Variants in PSMC5 observed in about 807,000 individuals in gnomAD.
PSMC5 encodes 26S proteasome regulatory subunit 8.
Under a neutral mutation model 49.1 loss-of-function variants are expected in PSMC5, and 11 were observed. The observed-to-expected ratio is 0.22, with a 90% CI of 0.14 to 0.37. The LOEUF (loss-of-function observed/expected upper bound fraction) is 0.37, where lower values mean the gene tolerates loss of function less well. Among genes scored for constraint, PSMC5 ranks in the 10% least tolerant of loss-of-function variants. The pLI, the probability that PSMC5 is intolerant of heterozygous loss-of-function variation, is 1.00. For synonymous variants in PSMC5, 206 were observed against 192.2 expected (o/e 1.07, Z -0.59); for missense variants, 229 against 520.9 (o/e 0.44, Z 5.45).
chr17:63,829,322 C>T (rs2040152374), intron 2 of PSMC5, 172 bp from the exon 3 acceptor site: 8 of 626,066 alleles, frequency 1.3e-5, no homozygotes, highest in Non-Finnish European at 2.3e-5. Flanking sequence ...TCCAGAGGGA[C>T]TCTTGAAGGA....
chr17:63,829,796 G>A, intron 3 of PSMC5, 56 bp from the exon 4 acceptor site: 10 of 1,560,470 alleles, frequency 6.4e-6, no homozygotes, highest in Non-Finnish European at 8.8e-6. Context: ...GTAGAATTGG[G>A]TCCTGGAGAC....
rs1322229914 is a variant in PSMC5, at chr17:63,830,621, C to T, written c.552+120C>T. Reference sequence around the variant, plus strand: ...GCTGCATCTTGCTTGGGCTGGCCCTCCCCCTGAAAAGAGTGGCTGGGGAAG... The same window carrying T: ...GCTGCATCTTGCTTGGGCTGGCCCTTCCCCTGAAAAGAGTGGCTGGGGAAG... On this transcript the variant is annotated intron_variant, in intron 6 of 11. Transcript: ENST00000310144. This position sits in a 1 kb window ranked among gnomAD's most constrained non-coding sequence, Gnocchi z 4.0. The T allele has an allele frequency of 6.7e-7, 1 of 1,495,152 alleles. No homozygotes were observed. Among genetic ancestry groups the T allele is most frequent in the East Asian group, 2.5e-5 (1 of 40,696 alleles). The allele number at this position is 1,495,152 out of a possible 1,614,324, so 92.6% of individuals were successfully genotyped here. A position where few individuals can be genotyped will look rare whatever the true frequency, so the allele number is the denominator to read the frequency against.
chr17:63,828,267 T>C (rs1341810862), intron 2 of PSMC5, 58 bp downstream of exon 2: 4 of 1,542,648 alleles, frequency 2.6e-6, no homozygotes, highest in African/African-American at 2.7e-5. Context: ...GGAAACGGAC[T>C]TCCACAAATC....
Position 63,827,480 on chromosome 17 carries a change from G to A in PSMC5, c.-11G>A. The A allele has an allele frequency of 2.6e-6, 4 of 1,551,752 alleles. No homozygotes were observed. The South Asian group carries it at 3.6e-5, about 14-fold the overall frequency. ...GGCTCGGATGCCGGCGGTCTCTGCT[G>A]AAGAGAGAAGATGGCGCTTGACGGA... is the stretch of plus-strand genomic sequence containing the variant. On this transcript the variant is annotated 5_prime_UTR_variant, in exon 1 of 12. Coordinates refer to ENST00000310144, the MANE Select transcript of PSMC5 (RefSeq NM_002805.6).
In PSMC5 at chr17:63,831,626, G is replaced by A. The variant is rs746407830; in HGVS notation, c.1080+10G>A. ...AGGGGCTGAAGTGAAGGTAATTGGA[G>A]TACCCACTGAAAACAGGGCAGAGGC... On this transcript the variant is annotated intron_variant, in intron 10 of 11. Coordinates refer to ENST00000310144, the MANE Select transcript of PSMC5 (RefSeq NM_002805.6). This position sits in a 1 kb window ranked among gnomAD's most constrained non-coding sequence, Gnocchi z 6.3. 5 of 1,613,892 alleles carry A rather than the reference G, an allele frequency of 3.1e-6. No individual in the cohort carries two copies. Among genetic ancestry groups the A allele is most frequent in the Non-Finnish European group, 4.2e-6 (5 of 1,179,760 alleles).
intron 1 of PSMC5, 89 bp downstream of exon 1, chr17:63,827,603 C>G (rs905025631): frequency 6.5e-7 from 1 of 1,549,500 alleles, no homozygotes; most frequent in African/African-American, 1.4e-5. Flanking sequence ...GGGGCAGGAG[C>G]GTCGGGTGGG....
chr17:63,830,965 G>C lies in PSMC5; in HGVS notation c.679+30G>C, dbSNP rs1404851385. On this transcript the variant is annotated intron_variant, in intron 7 of 11. Coordinates refer to ENST00000310144, the MANE Select transcript of PSMC5 (RefSeq NM_002805.6). This position sits in a 1 kb window ranked among gnomAD's most constrained non-coding sequence, Gnocchi z 4.0. ...CCATGGCTAGCAATGTGAGAAGCAA[G>C]AGGTAGGGGTAGGGGGTTAGAGAGC... 3.1e-6 allele frequency: 5 copies of C among 1,613,882 alleles called. No individual in the cohort carries two copies. The highest frequency in any genetic ancestry group is 4.2e-6 in the Non-Finnish European group (5 of 1,179,886).
In PSMC5 at chr17:63,829,837, C is replaced by T; in HGVS notation, c.167-15C>T. 6.2e-7 allele frequency: 1 copy of T among 1,613,482 alleles called. No homozygotes were observed. Among genetic ancestry groups the T allele is most frequent in the Non-Finnish European group, 8.5e-7 (1 of 1,179,476 alleles). On this transcript the variant is annotated splice_polypyrimidine_tract_variant and intron_variant, in intron 3 of 11. Coordinates refer to ENST00000310144, the MANE Select transcript of PSMC5 (RefSeq NM_002805.6). Reference sequence around the variant, plus strand: ...AGGAGTAGCTAGGTGACCACTGTGTCTGTTTGCCATCTAGTTCGCCTATTG... The same window carrying T: ...AGGAGTAGCTAGGTGACCACTGTGTTTGTTTGCCATCTAGTTCGCCTATTG...
At chr17:63,830,000 C>T (rs376388011) in intron 4 of PSMC5, 51 bp downstream of exon 4, 1 of 1,572,886 alleles carries the variant, frequency 6.4e-7, no homozygotes, top group Non-Finnish European at 8.7e-7. Flanking sequence ...TGCATTCCCA[C>T]CCCTTTGTGT....
In PSMC5 at chr17:63,829,441, C is replaced by T. The variant is rs568447937; in HGVS notation, c.97-53C>T. On this transcript the variant is annotated intron_variant, in intron 2 of 11. Transcript: ENST00000310144. Reference sequence around the variant, plus strand: ...TGTGAGGTCTTGGCCAAGATCCTACCTCCTCCTGTCTCCTGCCCTTGAATA... The same window carrying T: ...TGTGAGGTCTTGGCCAAGATCCTACTTCCTCCTGTCTCCTGCCCTTGAATA... The T allele has an allele frequency of 4.6e-6, 7 of 1,516,772 alleles. No homozygotes were observed. In the African/African-American group the frequency reaches 9.7e-5, roughly 21 times the overall value. The allele number at this position is 1,516,772 out of a possible 1,614,324, so 94.0% of individuals were successfully genotyped here. A position where few individuals can be genotyped will look rare whatever the true frequency, so the allele number is the denominator to read the frequency against.
Position 63,827,500 on chromosome 17 carries a change from G to C in PSMC5, c.10G>C (p.Asp4His). 1 of 1,551,754 alleles carries C rather than the reference G, an allele frequency of 6.4e-7. No individual in the cohort carries two copies. Among genetic ancestry groups the C allele is most frequent in the Non-Finnish European group, 8.7e-7 (1 of 1,147,004 alleles). Residue 4 changes from aspartate to histidine, a missense_variant, in exon 1 of 12, where the codon GAC (aspartate) becomes CAC (histidine). Around this residue, in one of 4 missense-constraint regions of PSMC5, gnomAD observed 98 missense variants for 144.0 expected, o/e 0.68. Transcript: ENST00000310144. ...CTGCTGAAGAGAGAAGATGGCGCTT[G>C]ACGGACCAGAGCAGGTATGGCGGGT... The part of the protein sequence containing the change: MAL[D>H]GPEQMELEEG...
intron 2 of PSMC5, 46 bp from the exon 3 acceptor site, chr17:63,829,448 T>G: frequency 6.5e-7 from 1 of 1,533,210 alleles, no homozygotes; most frequent in Non-Finnish European, 8.8e-7. Flanking sequence ...TACCTCCTCC[T>G]GTCTCCTGCC....
At position 63,827,535 on chromosome 17, in the gene PSMC5, G is replaced by A. The variant is rs1314425659; in HGVS notation, c.24+21G>A. 4 of 1,551,644 alleles carry A rather than the reference G, an allele frequency of 2.6e-6. No homozygotes were observed. In the African/African-American group the frequency reaches 4.1e-5, roughly 16 times the overall value. The stretch of plus-strand genomic sequence containing the variant: ...AGCAGGTATGGCGGGTGCAGTGGCG[G>A]CCCGGCAGGTTACGGGGCTGGGTGC... On this transcript the variant is annotated intron_variant, in intron 1 of 11. Coordinates refer to ENST00000310144, the MANE Select transcript of PSMC5 (RefSeq NM_002805.6).
chr17:63,831,178 G>A lies in PSMC5; in HGVS notation c.822G>A (p.Leu274=), dbSNP rs1854576462. 1 of 1,561,668 alleles carries A rather than the reference G, an allele frequency of 6.4e-7. No individual in the cohort carries two copies. Among genetic ancestry groups the A allele is most frequent in the African/African-American group, 1.4e-5 (1 of 73,108 alleles). Residue 274 remains leucine, a synonymous_variant, in exon 8 of 12, where the codon CTG becomes CTA. Transcript: ENST00000310144. The surrounding 1 kb of genome is among the most constrained non-coding windows in gnomAD (Gnocchi z 6.3). ...ACAGTGAAGTGCAGCGCACGATGCT[G>A]GAGTTGCTCAACCAGCTCGACGGCT... ...GGDSEVQRTM[L]ELLNQLDGFE... is the part of the protein sequence containing the mutation.
In PSMC5 at chr17:63,831,587, A is replaced by G; in HGVS notation, c.1051A>G (p.Met351Val). ...GINLRKIAEL[M>V]PGASGAEVKG... is the part of the protein sequence containing the mutation. ...CAACCTGAGAAAAATTGCTGAGCTC[A>G]TGCCAGGAGCATCAGGGGCTGAAGT... Residue 351 changes from methionine to valine, a missense_variant, in exon 10 of 12, where the codon ATG becomes GTG. This residue lies in a region of PSMC5 where 121 missense variants were observed against 330.6 expected (regional missense o/e 0.37). Coordinates refer to ENST00000310144, the MANE Select transcript of PSMC5 (RefSeq NM_002805.6). This position sits in a 1 kb window ranked among gnomAD's most constrained non-coding sequence, Gnocchi z 6.3. 2 of 1,614,020 alleles carry G rather than the reference A, an allele frequency of 1.2e-6. No individual in the cohort carries two copies. The highest frequency in any genetic ancestry group is 1.7e-6 in the Non-Finnish European group (2 of 1,179,880).
In PSMC5 at chr17:63,830,183, CAAT is replaced by C; in HGVS notation, c.316_318del (p.Asn106del). On this transcript the variant is annotated inframe_deletion, in exon 5 of 12. Coordinates refer to ENST00000310144, the MANE Select transcript of PSMC5 (RefSeq NM_002805.6). The surrounding 1 kb of genome is among the most constrained non-coding windows in gnomAD (Gnocchi z 4.0). ...TAGACGTGGACAAAAACATTGACAT[CAAT>C]GATGTGAGTGTAGCAGGTGAGGTGG... The C allele has an allele frequency of 1.2e-6, 2 of 1,614,112 alleles. No homozygotes were observed. The highest frequency in any genetic ancestry group is 1.7e-6 in the Non-Finnish European group (2 of 1,180,016).
In PSMC5 at chr17:63,831,710, C is replaced by A; in HGVS notation, c.1081-14C>A. ...GGCACAGCAGTGGGGCCTCAATTTC[C>A]TTTTCCTGTTCAGGGCGTGTGCACA... On this transcript the variant is annotated splice_polypyrimidine_tract_variant and intron_variant, in intron 10 of 11. Transcript: ENST00000310144. This position sits in a 1 kb window ranked among gnomAD's most constrained non-coding sequence, Gnocchi z 6.3. 6.2e-7 allele frequency: 1 copy of A among 1,614,140 alleles called. No homozygotes were observed. Among genetic ancestry groups the A allele is most frequent in the Non-Finnish European group, 8.5e-7 (1 of 1,180,004 alleles).
Position 63,830,682 on chromosome 17 carries a change from G to A in PSMC5, c.553-127G>A, listed in dbSNP as rs1175536088. Reference sequence around the variant, plus strand: ...GCGGTGAGGTGGTTTGGATAGAAGGGACCTTGATGTTCCTTTTTTTTTTTT... The same window carrying A: ...GCGGTGAGGTGGTTTGGATAGAAGGAACCTTGATGTTCCTTTTTTTTTTTT... On this transcript the variant is annotated intron_variant, in intron 6 of 11. Coordinates refer to ENST00000310144, the MANE Select transcript of PSMC5 (RefSeq NM_002805.6). The surrounding 1 kb of genome is among the most constrained non-coding windows in gnomAD (Gnocchi z 4.0). The A allele has an allele frequency of 4.2e-6, 6 of 1,419,988 alleles. No individual in the cohort carries two copies. The African/African-American group carries it at 6.9e-5, about 16-fold the overall frequency. The allele number at this position is 1,419,988 out of a possible 1,614,324, so 88.0% of individuals were successfully genotyped here.
At chr17:63,828,342 G>T in intron 2 of PSMC5, 133 bp downstream of exon 2, 1 of 836,374 alleles carries the variant, frequency 1.2e-6, no homozygotes, top group East Asian at 2.7e-5. Context: ...TTGTTTCTTA[G>T]CTAGTAGGGT....
Sources: allele counts gnomAD v4.1 joint callset, GRCh38; gene constraint gnomAD v4.1.1; regional missense constraint gnomAD v4.1.1; non-coding constraint Gnocchi (gnomAD v3.1); transcripts MANE v1.5; gene names NCBI Gene and HGNC (gene_info 2026-07-23, HGNC 2026-07-21).